The following E2F7 variants were observed in gnomAD, a reference collection of about 807,000 sequenced individuals.
The protein encoded by E2F7 is E2F transcription factor 7, also known as transcription factor E2F7.
In E2F7, 35 loss-of-function variants were observed where a neutral mutation model predicts 81.1. The observed-to-expected ratio is 0.43, with a 90% confidence interval of 0.33 to 0.57. The LOEUF is 0.57. Among genes scored for constraint, E2F7 ranks in the 20% least tolerant of loss-of-function variants. The probability of loss-of-function intolerance (pLI) is 0.04; values close to 1 mark genes in which losing one functional copy is unlikely to be tolerated. For missense variants in E2F7, 961 were observed against 1,093.7 expected (o/e 0.88, Z 1.71); for synonymous variants, 416 against 416.2 (o/e 1.00, Z 0.01).
At chr12:77,063,797 G>A (rs997668206) in intron 2 of E2F7, among the ~76,000 whole-genome samples, 2 of 152,150 alleles carry the variant, frequency 1.3e-5, no homozygotes, top group African/African-American at 4.8e-5. Flanking sequence ...CTAAAAATAA[G>A]ACCAGGAGCT....
At chr12:77,024,325 C>T (rs903965331) in intron 12 of E2F7, 140 bp from the exon 13 acceptor site, 6 of 891,092 alleles carry the variant, frequency 6.7e-6, no homozygotes, top group Admixed American at 3.0e-5. Flanking sequence ...TCACACTTAC[C>T]CCGTTTGTCT....
At position 77,024,024 on chromosome 12, in the gene E2F7, G is replaced by A. The variant is rs536978653; in HGVS notation, c.2727C>T (p.Gly909=). 2 of 1,613,414 alleles carry A rather than the reference G, an allele frequency of 1.2e-6. No individual in the cohort carries two copies. Among genetic ancestry groups the A allele is most frequent in the African/African-American group, 1.3e-5 (1 of 75,000 alleles). ...CTGGCAAAGCGGCAGGTTAGTCAGC[G>A]CCGCCGCTGGGGATTTCTAGTCTCC... ...AQRRLEIPSG[G]AD Residue 909 remains glycine (G), a synonymous_variant, in exon 13 of 13, where the codon GGC becomes GGT. Transcript: ENST00000322886.
At position 77,042,909 on chromosome 12, in the gene E2F7, A is replaced by G. The variant is rs116527001; in HGVS notation, c.1123+156T>C. Among the ~76,000 whole-genome samples the G allele has an allele frequency of 2.6e-3, 392 of 152,322 alleles. 3 individuals carry two copies. The highest frequency in any genetic ancestry group is 8.7e-3 in the African/African-American group (362 of 41,570). ...GGGCAAACCAGCATGCACAATTTGT[A>G]GGCTAATGTTAACTGTTCCAAGAGT... On this transcript the variant is annotated intron_variant, in intron 7 of 12. Transcript: ENST00000322886.
At chr12:77,057,306 C>T (rs994241946) in intron 2 of E2F7, among the ~76,000 whole-genome samples, 1 of 151,926 alleles carries the variant, frequency 6.6e-6, no homozygotes, top group Non-Finnish European at 1.5e-5. Flanking sequence ...GAACTTCTGG[C>T]TTCAAGTGAT....
At chr12:77,026,318 T>C (rs2120614959) in intron 11 of E2F7, among the ~76,000 whole-genome samples, 1 of 152,296 alleles carries the variant, frequency 6.6e-6, no homozygotes, top group South Asian at 2.1e-4. Context: ...GTTGTTTTGT[T>C]TTGAGACCCA....
rs73133236 is a variant in E2F7 at position 77,029,847 on chromosome 12, G to A, written c.1868C>T (p.Ser623Leu). The A allele has an allele frequency of 1.5e-4, 248 of 1,614,142 alleles. No individual in the cohort carries two copies. The highest frequency in any genetic ancestry group is 1.9e-4 in the Non-Finnish European group (228 of 1,180,006). ...CTCCCTTACCTTGGGCATGACAAGC[G>A]ACAGCGGGCCGTCTTCATATTCCCT... ...QSREYEDGPL[S>L]LVMPKKPSDS... Residue 623 changes from serine (S) to leucine (L), a missense_variant, in exon 10 of 13, where the codon TCG (serine) becomes TTG (leucine). Transcript: ENST00000322886.
At position 77,028,070 on chromosome 12, in the gene E2F7, T is replaced by A. The variant is rs1400428998; in HGVS notation, c.1953A>T (p.Lys651Asn). 1 of 1,614,110 alleles carries A rather than the reference T, an allele frequency of 6.2e-7. No homozygotes were observed. Among genetic ancestry groups the A allele is most frequent in the Non-Finnish European group, 8.5e-7 (1 of 1,180,044 alleles). The stretch of plus-strand genomic sequence containing the variant: ...GGAGTTGGCCATTCACATGAATGTC[T>A]TTGAGGGGTATAGATGCCCTGTTAC... ...TMGNRASIPL[K>N]DIHVNGQLPA... is the part of the protein sequence containing the mutation. Residue 651 changes from lysine (K) to asparagine (N), a missense_variant, in exon 11 of 13, where the codon AAA becomes AAT. By Grantham distance (94) the Lys-to-Asn change is moderately conservative. Transcript: ENST00000322886.
intron 4 of E2F7, 99 bp downstream of exon 4, chr12:77,050,477 T>A (rs180673128): frequency 4.7e-6 from 6 of 1,273,366 alleles, no homozygotes; most frequent in Non-Finnish European, 6.6e-6. Context: ...CTTCACCCGA[T>A]TGAGGGGCCC....
chr12:77,034,358 C>G (rs1048207093), intron 7 of E2F7, among the ~76,000 whole-genome samples: 1 of 152,124 alleles, frequency 6.6e-6, no homozygotes, highest in South Asian at 2.1e-4. Context: ...ATTTTAGATG[C>G]TCTATTTGAG....
At position 77,025,888 on chromosome 12, in the gene E2F7, G is replaced by A; in HGVS notation, c.2235C>T (p.Cys745=). The part of the protein sequence containing the change: ...SGQLPSFSVP[C]MVLPSPPLGP... Reference sequence around the variant, plus strand: ...CCAGAGGTGGAGATGGTAAGACCATGCAAGGGACACTGAAAGACGGCAGCT... The same window carrying A: ...CCAGAGGTGGAGATGGTAAGACCATACAAGGGACACTGAAAGACGGCAGCT... The change falls in exon 12 of 13, where the codon TGC becomes TGT. Residue 745 remains cysteine (C), a synonymous_variant. Transcript: ENST00000322886. The A allele has an allele frequency of 1.2e-6, 2 of 1,614,158 alleles. No individual in the cohort carries two copies. The highest frequency in any genetic ancestry group is 1.7e-6 in the Non-Finnish European group (2 of 1,180,020).
chr12:77,063,823 C>T (rs879333953), intron 2 of E2F7, among the ~76,000 whole-genome samples: 1 of 152,160 alleles, frequency 6.6e-6, no homozygotes, highest in Non-Finnish European at 1.5e-5. Flanking sequence ...AAGTTCAATG[C>T]CCAAGTTGCT....
chr12:77,034,105 A>T (rs1420445975), intron 7 of E2F7, 63 bp from the exon 8 acceptor site: 4 of 1,441,546 alleles, frequency 2.8e-6, no homozygotes, highest in Non-Finnish European at 3.8e-6. Flanking sequence ...ATTTTCGTCT[A>T]TTTAAGAGAT....
In E2F7 at chr12:77,025,809, G is replaced by C; in HGVS notation, c.2314C>G (p.Leu772Val). Residue 772 changes from leucine to valine, a missense_variant, in exon 12 of 13, where the codon CTT becomes GTT. Physicochemically the swap from Leu to Val is conservative, Grantham distance 32 (BLOSUM62 1). Coordinates refer to ENST00000322886, the MANE Select transcript of E2F7 (RefSeq NM_203394.3). ...PAMPGPVSSTLGALPNTGPVN... is the reference protein window; with the variant it reads ...PAMPGPVSSTVGALPNTGPVN... ...GGTCCTGTGTTTGGGAGAGCACCAA[G>C]AGTAGAAGAAACCGGGCCCGGCATT... 6.2e-7 allele frequency: 1 copy of C among 1,614,118 alleles called. No homozygotes were observed. The highest frequency in any genetic ancestry group is 2.2e-5 in the East Asian group (1 of 44,876).
Position 77,046,268 on chromosome 12 carries a change from C to G in E2F7, c.599G>C (p.Ser200Thr), listed in dbSNP as rs1191310848. ...GCCATACTGATTCTTAGCCACCCGGCTGACCAGATGCAGCGACTCCAGCAC... is the reference window on the plus strand; with the variant it reads ...GCCATACTGATTCTTAGCCACCCGGGTGACCAGATGCAGCGACTCCAGCAC... ...VNVLESLHLV[S>T]RVAKNQYGWH... is the part of the protein sequence containing the mutation. Residue 200 changes from serine to threonine, a missense_variant, in exon 5 of 13, where the codon AGC (serine) becomes ACC (threonine). By Grantham distance (58) the Ser-to-Thr change is moderately conservative. Coordinates refer to ENST00000322886, the MANE Select transcript of E2F7 (RefSeq NM_203394.3). The G allele has an allele frequency of 6.2e-7, 1 of 1,614,200 alleles. No homozygotes were observed. The highest frequency in any genetic ancestry group is 2.2e-5 in the East Asian group (1 of 44,876).
At chr12:77,056,157 A>G (rs1955031019) in intron 2 of E2F7, 27 bp from the exon 3 acceptor site, 1 of 1,560,474 alleles carries the variant, frequency 6.4e-7, no homozygotes, top group Non-Finnish European at 8.6e-7. Flanking sequence ...ACTTTTAGCA[A>G]GAATGAGAAA....
intron 9 of E2F7, among the ~76,000 whole-genome samples, chr12:77,031,784 C>G (rs906660597): frequency 1.3e-5 from 2 of 152,192 alleles, no homozygotes; most frequent in Non-Finnish European, 2.9e-5. Flanking sequence ...ATCTCACTGC[C>G]TACTGCGCTG....
chr12:77,024,222 A>G, intron 12 of E2F7, 37 bp from the exon 13 acceptor site: 1 of 1,594,716 alleles, frequency 6.3e-7, no homozygotes, highest in Non-Finnish European at 8.5e-7. Flanking sequence ...AAGTGAAGTC[A>G]TATTGTTTCT....
intron 2 of E2F7, among the ~76,000 whole-genome samples, chr12:77,060,454 C>T (rs1317627373): frequency 6.6e-6 from 1 of 152,204 alleles, no homozygotes; most frequent in African/African-American, 2.4e-5. Flanking sequence ...TGTCTTGGTT[C>T]TAGTCCTGCT....
intron 2 of E2F7, among the ~76,000 whole-genome samples, chr12:77,060,264 T>C (rs576945562): frequency 6.6e-6 from 1 of 152,220 alleles, no homozygotes; most frequent in African/African-American, 2.4e-5. Context: ...AGTTCTTATA[T>C]ATAAATAGAG....
Sources: allele counts gnomAD v4.1 joint callset (sites outside exome capture counted in the v4.1 genomes callset), GRCh38; gene constraint gnomAD v4.1.1; transcripts MANE v1.5; gene names NCBI Gene and HGNC (gene_info 2026-07-23, HGNC 2026-07-21).